Variants in CNTNAP4 observed in about 807,000 individuals in gnomAD.
CNTNAP4 encodes contactin-associated protein-like 4.
Under a neutral mutation model 148.4 loss-of-function variants are expected in CNTNAP4, and 98 were observed. The observed-to-expected ratio is 0.66, with a 90% confidence interval of 0.56 to 0.78. The LOEUF is 0.78. Ranked by LOEUF, CNTNAP4 falls within the 30% of genes least tolerant of loss-of-function variation. The pLI, the probability that CNTNAP4 is intolerant of heterozygous loss-of-function variation, is 0.00. For missense variants in CNTNAP4, 1,935 were observed against 1,565.6 expected (o/e 1.24, Z -3.98); for synonymous variants, 730 against 565.1 (o/e 1.29, Z -4.14).
chr16:76,512,661 T>A (rs895742607), intron 15 of CNTNAP4, among the ~76,000 whole-genome samples: 3 of 152,132 alleles, frequency 2.0e-5, no homozygotes, highest in African/African-American at 7.2e-5. Context: ...GTTTTCAGCA[T>A]GTTTAAAGCC....
At chr16:76,499,195 A>G (rs916775996) in intron 15 of CNTNAP4, among the ~76,000 whole-genome samples, 6 of 151,492 alleles carry the variant, frequency 4.0e-5, no homozygotes, top group Non-Finnish European at 8.8e-5. Flanking sequence ...AGCCTCCTGC[A>G]CAATTTTTTT....
At chr16:76,396,037 T>C (rs1443459029) in intron 3 of CNTNAP4, among the ~76,000 whole-genome samples, 1 of 152,166 alleles carries the variant, frequency 6.6e-6, no homozygotes, top group Non-Finnish European at 1.5e-5. Context: ...CCTGGATGGT[T>C]TTTATTAACC....
chr16:76,449,765 T>A lies in CNTNAP4; in HGVS notation c.978T>A (p.His326Gln), dbSNP rs778514225. The change falls in exon 7 of 24, where the codon CAT becomes CAA. Residue 326 changes from histidine to glutamine, a missense_variant. Physicochemically the swap from His to Gln is conservative, Grantham distance 24. Transcript: ENST00000611870. Reference protein sequence around the residue: ...PAPGKSVSFPHRNFHGCLENL... With the variant: ...PAPGKSVSFPQRNFHGCLENL... Reference sequence around the variant, plus strand: ...CTGGAAAATCAGTGTCATTCCCACATAGAAATTTTCATGGATGTTTAGAAA... The same window carrying A: ...CTGGAAAATCAGTGTCATTCCCACAAAGAAATTTTCATGGATGTTTAGAAA... The A allele has an allele frequency of 4.4e-6, 7 of 1,597,990 alleles. No homozygotes were observed. In the African/African-American group the frequency reaches 6.7e-5, roughly 15 times the overall value.
chr16:76,422,490 T>C (rs748091569), intron 3 of CNTNAP4, among the ~76,000 whole-genome samples: 14 of 152,164 alleles, frequency 9.2e-5, no homozygotes, highest in Non-Finnish European at 1.5e-4. Context: ...TTCTAAAATG[T>C]GTAAAAGGTT....
chr16:76,320,088 C>T (rs190365567), intron 2 of CNTNAP4, among the ~76,000 whole-genome samples: 2 of 152,176 alleles, frequency 1.3e-5, no homozygotes, highest in East Asian at 1.9e-4. Flanking sequence ...TTGAAAAGAC[C>T]GTTGGTGTAA....
chr16:76,521,413 C>A lies in CNTNAP4; in HGVS notation c.2536+103C>A, dbSNP rs76649440. ...CATGTGTCTACTTTATCATCTGATT[C>A]TTTTCATTGCGCCCCTTTGAAAAAC... On this transcript the variant is annotated intron_variant, in intron 16 of 23. Transcript: ENST00000611870. 29 of 899,516 alleles carry A rather than the reference C, an allele frequency of 3.2e-5. No homozygotes were observed. In the East Asian group the frequency reaches 5.9e-4, roughly 18 times the overall value. The allele number at this position is 899,516 out of a possible 1,614,324, so 55.7% of individuals were successfully genotyped here.
At chr16:76,334,686 G>C (rs1399324157) in intron 2 of CNTNAP4, among the ~76,000 whole-genome samples, 1 of 152,040 alleles carries the variant, frequency 6.6e-6, no homozygotes, top group African/African-American at 2.4e-5. Context: ...TTGGGAAAAA[G>C]TACAGTATGC....
chr16:76,321,032 G>A (rs1477376), intron 2 of CNTNAP4, among the ~76,000 whole-genome samples: 39,805 of 152,106 alleles, frequency 0.26, 5,966 homozygotes, highest in Non-Finnish European at 0.35. Flanking sequence ...AATGTTTTCT[G>A]ATGTTAAAAA....
intron 17 of CNTNAP4, among the ~76,000 whole-genome samples, chr16:76,532,548 C>G (rs939717422): frequency 2.0e-5 from 3 of 152,154 alleles, no homozygotes; most frequent in African/African-American, 7.2e-5. Flanking sequence ...TGTTTCAGAG[C>G]AGCAAATGTA....
At chr16:76,436,364 C>T (rs774757518) in intron 4 of CNTNAP4, among the ~76,000 whole-genome samples, 2 of 152,116 alleles carry the variant, frequency 1.3e-5, no homozygotes, top group Non-Finnish European at 2.9e-5. Context: ...TTGCAAGGTT[C>T]CATTCTTTTC....
rs371340193 is a variant in CNTNAP4, at chr16:76,489,857, A to G, written c.2054A>G (p.Lys685Arg). ...GAACAGGAGTTTACTTATTACTGCAAGAAGTCACGGCTGGTCAATAAGCAA... is the reference window on the plus strand; with the variant it reads ...GAACAGGAGTTTACTTATTACTGCAGGAAGTCACGGCTGGTCAATAAGCAA... Reference protein sequence around the residue: ...HCEQEFTYYCKKSRLVNKQDG... With the variant: ...HCEQEFTYYCRKSRLVNKQDG... The change falls in exon 13 of 24, where the codon AAG (lysine) becomes AGG (arginine). Residue 685 changes from lysine to arginine, a missense_variant. Lys to Arg is a conservative substitution (Grantham distance 26, BLOSUM62 2). Coordinates refer to ENST00000611870, the MANE Select transcript of CNTNAP4 (RefSeq NM_033401.5). The G allele has an allele frequency of 6.1e-5, 96 of 1,574,084 alleles. No individual in the cohort carries two copies. Among genetic ancestry groups the G allele is most frequent in the Non-Finnish European group, 8.2e-5 (95 of 1,153,978 alleles).
chr16:76,418,822 G>A (rs1506827), intron 3 of CNTNAP4, among the ~76,000 whole-genome samples: 53,099 of 151,522 alleles, frequency 0.35, 10,944 homozygotes, highest in Non-Finnish European at 0.44. Context: ...AAGACAAATA[G>A]GTTGTTAGTA....
At chr16:76,529,799 C>T (rs1339147049) in intron 17 of CNTNAP4, among the ~76,000 whole-genome samples, 1 of 151,622 alleles carries the variant, frequency 6.6e-6, no homozygotes, top group African/African-American at 2.4e-5. Flanking sequence ...TGATGTTGAA[C>T]TCTAAACATA....
chr16:76,381,347 C>A (rs1397483201), intron 3 of CNTNAP4, among the ~76,000 whole-genome samples: 1 of 152,108 alleles, frequency 6.6e-6, no homozygotes, highest in Non-Finnish European at 1.5e-5. Flanking sequence ...GTGCCCCCTC[C>A]CACCCCAGTG....
At chr16:76,313,342 T>G (rs1312542298) in intron 1 of CNTNAP4, among the ~76,000 whole-genome samples, 1 of 152,154 alleles carries the variant, frequency 6.6e-6, no homozygotes, top group African/African-American at 2.4e-5. Flanking sequence ...ATGCTGAAAA[T>G]GATTTTAAAA....
intron 8 of CNTNAP4, among the ~76,000 whole-genome samples, chr16:76,456,061 A>G (rs747643573): frequency 3.9e-5 from 6 of 152,184 alleles, no homozygotes; most frequent in Non-Finnish European, 7.4e-5. Flanking sequence ...ATGGTCTCCA[A>G]CGTGTAATTG....
At chr16:76,376,289 C>T (rs1341742468) in intron 3 of CNTNAP4, among the ~76,000 whole-genome samples, 1 of 151,862 alleles carries the variant, frequency 6.6e-6, no homozygotes, top group African/African-American at 2.4e-5. Context: ...CAGCGGTTTT[C>T]GGAAAGGAAA....
At chr16:76,483,134 A>T (rs2081898376) in intron 12 of CNTNAP4, among the ~76,000 whole-genome samples, 1 of 152,014 alleles carries the variant, frequency 6.6e-6, no homozygotes. Context: ...CCATAAATGC[A>T]TCCGGATCTA....
Position 76,495,080 on chromosome 16 carries a change from G to T in CNTNAP4, c.2237+14G>T. 1.2e-6 allele frequency: 2 copies of T among 1,610,760 alleles called. No individual in the cohort carries two copies. Among genetic ancestry groups the T allele is most frequent in the East Asian group, 2.2e-5 (1 of 44,786 alleles). ...CCGGAATGAATGGTGATTTCCATATGATTTCTTTATGCAAGAAAAAGTTCA... is the reference window on the plus strand; with the variant it reads ...CCGGAATGAATGGTGATTTCCATATTATTTCTTTATGCAAGAAAAAGTTCA... On this transcript the variant is annotated intron_variant, in intron 14 of 23. Coordinates refer to ENST00000611870, the MANE Select transcript of CNTNAP4 (RefSeq NM_033401.5).
Sources: allele counts gnomAD v4.1 joint callset (sites outside exome capture counted in the v4.1 genomes callset), GRCh38; gene constraint gnomAD v4.1.1; transcripts MANE v1.5; gene names NCBI Gene and HGNC (gene_info 2026-07-23, HGNC 2026-07-21).